XKR9: variants seen among roughly 807,000 people sequenced by gnomAD.
The protein encoded by XKR9 is XK related 9, also known as XK-related protein 9.
XKR9 carries 32 observed loss-of-function variants against 32.0 expected under a neutral mutation model. The ratio of observed to expected loss-of-function variants is 1.00; its 90% CI spans 0.76 to 1.34. The LOEUF is 1.34. XKR9 is among the 40% of genes most tolerant of loss of function. The pLI is 0.00. For missense variants in XKR9, 546 were observed against 429.7 expected, an observed-to-expected ratio of 1.27 and a Z score of -2.39; for synonymous variants, 168 against 143.4, an observed-to-expected ratio of 1.17 and a Z score of -1.22.
At chr8:70,731,548 T>C (rs772944664) in intron 4 of XKR9, among the ~76,000 whole-genome samples, 22 of 152,158 alleles carry the variant, frequency 1.4e-4, no homozygotes, top group Non-Finnish European at 1.8e-4. Context: ...ACATTTTCCG[T>C]CTAGCAAAAT....
the XKR9 span, among the ~76,000 whole-genome samples, chr8:70,968,039 T>G: frequency 6.6e-6 from 1 of 152,234 alleles, no homozygotes; most frequent in Non-Finnish European, 1.5e-5. Flanking sequence ...TTCTCCAACT[T>G]GGTTCCATTC....
intron 3 of XKR9, among the ~76,000 whole-genome samples, chr8:70,690,497 C>A (rs1256794911): frequency 7.5e-6 from 1 of 132,608 alleles, no homozygotes; most frequent in Non-Finnish European, 1.7e-5. Context: ...CTATGCCCAG[C>A]TAGTTTTTTT....
At chr8:70,869,434 G>A in the XKR9 span, among the ~76,000 whole-genome samples, 2 of 152,150 alleles carry the variant, frequency 1.3e-5, no homozygotes, top group African/African-American at 4.8e-5. Context: ...GACTTGTGCA[G>A]GCAAACTCCA....
At chr8:70,891,129 G>C in the XKR9 span, among the ~76,000 whole-genome samples, 3 of 151,656 alleles carry the variant, frequency 2.0e-5, no homozygotes, top group Non-Finnish European at 4.4e-5. Context: ...TCTGGCATTA[G>C]TTTTAATGCC....
the XKR9 span, among the ~76,000 whole-genome samples, chr8:71,019,859 A>G: frequency 3.9e-5 from 6 of 152,206 alleles, no homozygotes; most frequent in African/African-American, 1.2e-4. Flanking sequence ...TCTGAGCCGT[A>G]TATATAGTAA....
chr8:70,769,635 C>T (rs1234980417), intron 2 of XKR9, among the ~76,000 whole-genome samples: 4 of 151,774 alleles, frequency 2.6e-5, no homozygotes, highest in South Asian at 2.1e-4. Context: ...TTCATTCGTT[C>T]CTTTTCATTC....
chr8:70,706,639 GA>G (rs1169435272), intron 3 of XKR9, among the ~76,000 whole-genome samples: 1 of 152,014 alleles, frequency 6.6e-6, no homozygotes, highest in Non-Finnish European at 1.5e-5. Context: ...TTCCATCTGT[GA>G]AATGGAATAA....
intron 2 of XKR9, among the ~76,000 whole-genome samples, chr8:70,757,889 T>C (rs569551018): frequency 3.3e-5 from 5 of 152,316 alleles, no homozygotes; most frequent in African/African-American, 1.2e-4. Context: ...GCCTGGCTGC[T>C]TTCCTTTATT....
At chr8:70,768,080 A>C (rs533006317) in intron 2 of XKR9, among the ~76,000 whole-genome samples, 1 of 152,216 alleles carries the variant, frequency 6.6e-6, no homozygotes, top group African/African-American at 2.4e-5. Flanking sequence ...TTCCCACTAA[A>C]CACTGCTTTA....
At chr8:70,799,320 G>T in the XKR9 span, among the ~76,000 whole-genome samples, 1 of 151,972 alleles carries the variant, frequency 6.6e-6, no homozygotes, top group Admixed American at 6.6e-5. Flanking sequence ...TATTGTGAAT[G>T]AGATTGCATT....
At chr8:70,856,075 A>G in the XKR9 span, among the ~76,000 whole-genome samples, 2 of 152,190 alleles carry the variant, frequency 1.3e-5, no homozygotes, top group Non-Finnish European at 1.5e-5. Flanking sequence ...TCAACTAATG[A>G]GCAAAATAAC....
Position 70,697,845 on chromosome 8 carries a change from A to T in XKR9, c.273-9088A>T, listed in dbSNP as rs1380461796. Among the ~76,000 whole-genome samples the T allele has an allele frequency of 3.9e-5, 6 of 152,076 alleles. No individual in the cohort carries two copies. The South Asian group carries it at 1.0e-3, about 26-fold the overall frequency. On this transcript the variant is annotated intron_variant, in intron 3 of 4. Transcript: ENST00000408926. ...CTTTCTGGTTGGTAAGCTATTGATT[A>T]TTGCCACAATTTCAGCTCCTGTTAT... is the stretch of plus-strand genomic sequence containing the variant.
the XKR9 span, among the ~76,000 whole-genome samples, chr8:70,959,842 T>C: frequency 2.6e-5 from 4 of 152,254 alleles, no homozygotes; most frequent in Non-Finnish European, 4.4e-5. Flanking sequence ...TAGTGGGTTA[T>C]TCATCTTTGT....
At chr8:70,962,930 A>G in the XKR9 span, among the ~76,000 whole-genome samples, 1 of 152,224 alleles carries the variant, frequency 6.6e-6, no homozygotes, top group East Asian at 1.9e-4. Flanking sequence ...TTTAAAATGT[A>G]TAAAGCCAGG....
chr8:70,718,428 G>A (rs1447431132), intron 4 of XKR9, among the ~76,000 whole-genome samples: 1 of 151,916 alleles, frequency 6.6e-6, no homozygotes. Flanking sequence ...TAGGTTTTAA[G>A]CCCCGCATGC....
chr8:70,780,644 A>T (rs913072371), intron 2 of XKR9, among the ~76,000 whole-genome samples: 2 of 152,128 alleles, frequency 1.3e-5, no homozygotes, highest in Non-Finnish European at 2.9e-5. Flanking sequence ...TGCCGACAGC[A>T]TGATTTTGGG....
chr8:71,014,660 A>G, the XKR9 span, among the ~76,000 whole-genome samples: 1 of 152,130 alleles, frequency 6.6e-6, no homozygotes. Context: ...GATCATATAC[A>G]CAGGTCCCAG....
the XKR9 span, among the ~76,000 whole-genome samples, chr8:70,823,875 G>T: frequency 6.4e-4 from 97 of 152,226 alleles, no homozygotes; most frequent in African/African-American, 2.2e-3. Flanking sequence ...TGAAGGAAAG[G>T]CGCTAGCAAC....
At chr8:70,759,520 C>T (rs1317109424) in intron 2 of XKR9, among the ~76,000 whole-genome samples, 2 of 152,050 alleles carry the variant, frequency 1.3e-5, no homozygotes, top group Non-Finnish European at 2.9e-5. Context: ...CATTTTAATA[C>T]AACAGTAAAT....
Sources: gnomAD v4.1 joint callset for allele counts (sites outside exome capture counted in the v4.1 genomes callset) on GRCh38, gnomAD v4.1.1 for gene constraint, MANE v1.5 for transcripts, NCBI Gene and HGNC (gene_info 2026-07-23, HGNC 2026-07-21) for gene names.